Variants in USP37 observed in about 807,000 individuals in gnomAD.
The protein encoded by USP37 is ubiquitin carboxyl-terminal hydrolase 37.
In USP37, 27 loss-of-function variants were observed where a neutral mutation model predicts 124.0. The ratio of observed to expected loss-of-function variants is 0.22; its 90% CI spans 0.16 to 0.30. USP37 has a LOEUF of 0.30. Ranked by LOEUF, USP37 falls within the 10% of genes least tolerant of loss-of-function variation. The pLI, the probability that USP37 is intolerant of heterozygous loss-of-function variation, is 1.00. For synonymous variants in USP37, 365 were observed against 388.0 expected (o/e 0.94, Z 0.70); for missense variants, 889 against 1,140.4 (o/e 0.78, Z 3.17).
chr2:218,473,834 T>C (rs1470067720), intron 20 of USP37, among the ~76,000 whole-genome samples: 2 of 152,210 alleles, frequency 1.3e-5, no homozygotes, highest in African/African-American at 2.4e-5. Flanking sequence ...AGAAATTGCA[T>C]GGTTAAGTGA....
chr2:218,532,259 A>T (rs1691369909), intron 9 of USP37, among the ~76,000 whole-genome samples: 1 of 152,042 alleles, frequency 6.6e-6, no homozygotes, highest in Admixed American at 6.6e-5. Flanking sequence ...TGAGGTCAGG[A>T]GCTTGAGACC....
intron 6 of USP37, 104 bp downstream of exon 6, chr2:218,549,705 T>C (rs566006075): frequency 1.0e-6 from 1 of 998,330 alleles, no homozygotes; most frequent in Non-Finnish European, 1.4e-6. Context: ...CCTCGGGTGA[T>C]CCACCCGCCT....
intron 8 of USP37, among the ~76,000 whole-genome samples, chr2:218,535,321 G>A (rs555421023): frequency 4.4e-4 from 66 of 151,294 alleles, no homozygotes; most frequent in African/African-American, 1.6e-3. Context: ...AGCCGTGATC[G>A]CGCCACTGCA....
chr2:218,493,886 T>G (rs1688929704), intron 14 of USP37, among the ~76,000 whole-genome samples: 1 of 152,184 alleles, frequency 6.6e-6, no homozygotes, highest in Non-Finnish European at 1.5e-5. Context: ...GCAACTTAAA[T>G]TTTCCTATAA....
In USP37 at chr2:218,553,715, T is replaced by C; in HGVS notation, c.166A>G (p.Asn56Asp). Residue 56 changes from asparagine to aspartate, a missense_variant, in exon 5 of 26, where the codon AAC becomes GAC. By Grantham distance (23) the Asn-to-Asp change is conservative. This residue lies in a region of USP37 where 374 missense variants were observed against 386.0 expected (regional missense o/e 0.97). Transcript: ENST00000258399. ...GIPRIFQLSHNIKNVVLRPSG... is the reference protein window; with the variant it reads ...GIPRIFQLSHDIKNVVLRPSG... ...GGTCGAAGCACCACATTTTTAATGT[T>C]ATGACTTAGCTAATCAAGACAAAAG... 1 of 1,608,820 alleles carries C rather than the reference T, an allele frequency of 6.2e-7. No individual in the cohort carries two copies. Among genetic ancestry groups the C allele is most frequent in the Non-Finnish European group, 8.5e-7 (1 of 1,177,334 alleles).
intron 16 of USP37, among the ~76,000 whole-genome samples, chr2:218,482,830 T>G (rs751133118): frequency 6.6e-6 from 1 of 152,148 alleles, no homozygotes; most frequent in African/African-American, 2.4e-5. Flanking sequence ...TTTAGCTCTT[T>G]AGAAGCACTG....
intron 18 of USP37, among the ~76,000 whole-genome samples, chr2:218,478,467 T>C (rs1394542961): frequency 1.3e-5 from 2 of 152,204 alleles, no homozygotes; most frequent in Non-Finnish European, 2.9e-5. Flanking sequence ...GAAGAATCAA[T>C]GGTATTCTGG....
chr2:218,476,800 A>C (rs771824147), intron 19 of USP37, 40 bp downstream of exon 19: 5 of 1,576,560 alleles, frequency 3.2e-6, no homozygotes, highest in Middle Eastern at 1.7e-4. Flanking sequence ...GTAAGAGATA[A>C]ACAAATCTTT....
chr2:218,519,649 TTTTC>T (rs1282240485), intron 10 of USP37, among the ~76,000 whole-genome samples: 4 of 152,058 alleles, frequency 2.6e-5, no homozygotes, highest in African/African-American at 9.7e-5. Context: ...TTTGTTTTTT[TTTTC>T]TGAGACACAG....
chr2:218,506,496 G>A (rs1459096253), intron 11 of USP37, among the ~76,000 whole-genome samples: 1 of 151,222 alleles, frequency 6.6e-6, no homozygotes, highest in Non-Finnish European at 1.5e-5. Context: ...TCACCATACT[G>A]GTCAGGTTGG....
At chr2:218,522,152 A>G (rs1317083278) in intron 10 of USP37, among the ~76,000 whole-genome samples, 1 of 150,078 alleles carries the variant, frequency 6.7e-6, no homozygotes, top group Non-Finnish European at 1.5e-5. Context: ...GCTAGGATTT[A>G]TAGGGGTGAG....
chr2:218,500,957 C>T (rs998102301), intron 11 of USP37: 21 of 165,988 alleles, frequency 1.3e-4, no homozygotes, highest in African/African-American at 1.9e-4. Context: ...AGGGGATACC[C>T]GCCTAGCCAG....
At chr2:218,533,872 G>A (rs570768666) in intron 9 of USP37, among the ~76,000 whole-genome samples, 1 of 152,302 alleles carries the variant, frequency 6.6e-6, no homozygotes, top group East Asian at 1.9e-4. Flanking sequence ...CGTTAAGTGT[G>A]GGAAACATCT....
At chr2:218,463,621 C>T (rs113905532) in intron 21 of USP37, among the ~76,000 whole-genome samples, 7,173 of 147,366 alleles carry the variant, frequency 0.049, 504 homozygotes, top group African/African-American at 0.16. Context: ...ATGCAAGCTC[C>T]GCCTCCTGGG....
At chr2:218,540,425 C>T (rs1194648801) in intron 8 of USP37, among the ~76,000 whole-genome samples, 1 of 151,964 alleles carries the variant, frequency 6.6e-6, no homozygotes, top group Non-Finnish European at 1.5e-5. Flanking sequence ...TTATTTGAGG[C>T]CAGGAATTCA....
rs561257529 is a variant in USP37, at chr2:218,540,471, T to TATAAAA, written c.680+5744_680+5749dup. Among the ~76,000 whole-genome samples, 9 of 152,126 alleles carry TATAAAA rather than the reference T, an allele frequency of 5.9e-5. No homozygotes were observed. The East Asian group carries it at 1.2e-3, about 20-fold the overall frequency. ...GGGCAACATAGCAAGACTGCATCCC[T>TATAAAA]ATAAAAATAAAAATAAAAATAGCCA... On this transcript the variant is annotated intron_variant, in intron 8 of 25. Transcript: ENST00000258399.
chr2:218,516,657 T>C (rs911460164), intron 10 of USP37, among the ~76,000 whole-genome samples: 1 of 152,124 alleles, frequency 6.6e-6, no homozygotes, highest in Non-Finnish European at 1.5e-5. Flanking sequence ...TGTATACCTA[T>C]GTAACAAACC....
At chr2:218,556,667 C>A (rs556693095) in intron 4 of USP37, among the ~76,000 whole-genome samples, 1 of 151,886 alleles carries the variant, frequency 6.6e-6, no homozygotes, top group Non-Finnish European at 1.5e-5. Flanking sequence ...GTGCCCACTA[C>A]CGTGCCTGCT....
intron 13 of USP37, among the ~76,000 whole-genome samples, chr2:218,496,419 A>G (rs1311359652): frequency 1.6e-4 from 24 of 152,232 alleles, no homozygotes. Flanking sequence ...TGTCAGGTTT[A>G]TTCTTATAAG....
Sources: gnomAD v4.1 joint callset for allele counts (sites outside exome capture counted in the v4.1 genomes callset) on GRCh38, gnomAD v4.1.1 for gene constraint, gnomAD v4.1.1 regional missense constraint, MANE v1.5 for transcripts, NCBI Gene and HGNC (gene_info 2026-07-23, HGNC 2026-07-21) for gene names.